Variants in ASB18 observed in about 807,000 individuals in gnomAD.
The protein encoded by ASB18 is ankyrin repeat and SOCS box containing 18.
Under a neutral mutation model 33.4 loss-of-function variants are expected in ASB18, and 33 were observed. The observed-to-expected ratio is 0.99, with a 90% CI of 0.75 to 1.32. The LOEUF (loss-of-function observed/expected upper bound fraction) is 1.32, where lower values mean the gene tolerates loss of function less well. Ranked by LOEUF, ASB18 falls within the 40% of genes most tolerant of loss-of-function variation. ASB18 has a pLI of 0.00. For synonymous variants in ASB18, 295 were observed against 307.6 expected, an observed-to-expected ratio of 0.96 and a Z score of 0.43; for missense variants, 694 against 655.5, an observed-to-expected ratio of 1.06 and a Z score of -0.64.
chr2:236,229,024 T>C lies in ASB18; in HGVS notation c.596+8665A>G, dbSNP rs2060553204. On this transcript the variant is annotated intron_variant, in intron 3 of 5. Coordinates refer to ENST00000409749, the MANE Select transcript of ASB18 (RefSeq NM_212556.4). This position sits in a 1 kb window ranked among gnomAD's most constrained non-coding sequence, Gnocchi z 5.2. The stretch of plus-strand genomic sequence containing the variant: ...TTGGGAGGCTGAGGCAGGAGAATCA[T>C]TTGAAACTAGGAGTTTGAGACCATC... 6.6e-6 allele frequency among the ~76,000 whole-genome samples: 1 copy of C among 151,996 alleles called. No homozygotes were observed. Among genetic ancestry groups the C allele is most frequent in the African/African-American group, 2.4e-5 (1 of 41,394 alleles).
chr2:236,202,687 G>A (rs2060409876), intron 4 of ASB18, among the ~76,000 whole-genome samples: 1 of 150,264 alleles, frequency 6.7e-6, no homozygotes, highest in Non-Finnish European at 1.5e-5. Flanking sequence ...GCTGAAGCAG[G>A]AGGATCACTT....
rs1440041007 is a variant in ASB18, at chr2:236,211,879, A to G, written c.1101+2483T>C. ...CTCCTGGCCAGGTGTAGGGGTACCC[A>G]CTGGAGGTGTGGGGGAATCCCAGTG... On this transcript the variant is annotated intron_variant, in intron 4 of 5. Transcript: ENST00000409749. This position sits in a 1 kb window ranked among gnomAD's most constrained non-coding sequence, Gnocchi z 5.0. Among the ~76,000 whole-genome samples, 1 of 152,106 alleles carries G rather than the reference A, an allele frequency of 6.6e-6. No homozygotes were observed. The highest frequency in any genetic ancestry group is 1.5e-5 in the Non-Finnish European group (1 of 68,006).
At position 236,231,699 on chromosome 2, in the gene ASB18, A is replaced by C. The variant is rs2060566569; in HGVS notation, c.596+5990T>G. On this transcript the variant is annotated intron_variant, in intron 3 of 5. Transcript: ENST00000409749. The surrounding 1 kb of genome is among the most constrained non-coding windows in gnomAD (Gnocchi z 5.5). Reference sequence around the variant, plus strand: ...GCAATCCTCCAACCTTGGCCTCCCAAAGTGCTGGGATTACTGGTGTGATCC... The same window carrying C: ...GCAATCCTCCAACCTTGGCCTCCCACAGTGCTGGGATTACTGGTGTGATCC... Among the ~76,000 whole-genome samples, 2 of 152,228 alleles carry C rather than the reference A, an allele frequency of 1.3e-5. No individual in the cohort carries two copies. The highest frequency in any genetic ancestry group is 4.8e-5 in the African/African-American group (2 of 41,474).
At chr2:236,254,775 G>C (rs1371025916) in intron 1 of ASB18, among the ~76,000 whole-genome samples, 2 of 152,106 alleles carry the variant, frequency 1.3e-5, no homozygotes, top group African/African-American at 4.8e-5. Context: ...TTCAAGGGAA[G>C]TGGGTGATCG....
In ASB18 at chr2:236,246,346, C is replaced by CAAAAAAAAAAAAAA. The variant is rs60064230; in HGVS notation, c.206-4958_206-4945dup. 2.4e-4 allele frequency among the ~76,000 whole-genome samples: 8 copies of CAAAAAAAAAAAAAA among 32,718 alleles called. 1 individual carries two copies. Among genetic ancestry groups the CAAAAAAAAAAAAAA allele is most frequent in the African/African-American group, 7.2e-4 (8 of 11,104 alleles). The allele number at this position is 32,718 out of a possible 152,430, so 21.5% of individuals were successfully genotyped here. On this transcript the variant is annotated intron_variant, in intron 1 of 5. Coordinates refer to ENST00000409749, the MANE Select transcript of ASB18 (RefSeq NM_212556.4). ...TGGGTGACAGAGCAAGACTCCATCT[C>CAAAAAAAAAAAAAA]AAAAAAAAAAAAAAAAAAAAAAAAA...
chr2:236,250,879 C>T lies in ASB18; in HGVS notation c.206-9477G>A, dbSNP rs917776627. 6.6e-6 allele frequency: 1 copy of T among 152,206 alleles called. No homozygotes were observed. The highest frequency in any genetic ancestry group is 6.5e-5 in the Admixed American group (1 of 15,286). The allele number at this position is 152,206 out of a possible 1,614,324, so 9.4% of individuals were successfully genotyped here. The stretch of plus-strand genomic sequence containing the variant: ...CAAAAATGTTAAAGTATCTCAACCT[C>T]CTCTCTGAATAACAATGTTAGCACA... On this transcript the variant is annotated intron_variant, in intron 1 of 5. Coordinates refer to ENST00000409749, the MANE Select transcript of ASB18 (RefSeq NM_212556.4). The surrounding 1 kb of genome is among the most constrained non-coding windows in gnomAD (Gnocchi z 4.1).
intron 4 of ASB18, among the ~76,000 whole-genome samples, chr2:236,199,763 A>G (rs1447010323): frequency 6.6e-6 from 1 of 151,084 alleles, no homozygotes; most frequent in Non-Finnish European, 1.5e-5. Flanking sequence ...ATGTTAACTT[A>G]GTAAAACTAT....
rs556085919 is a variant in ASB18, at chr2:236,203,802, C to T, written c.1102-7417G>A. On this transcript the variant is annotated intron_variant, in intron 4 of 5. Transcript: ENST00000409749. This position sits in a 1 kb window ranked among gnomAD's most constrained non-coding sequence, Gnocchi z 6.0. ...GAATTGCTTGAGCCTGGAAGGTCGA[C>T]GCTGCAGTGAGCTATGATTGCACTG... 9.9e-5 allele frequency among the ~76,000 whole-genome samples: 15 copies of T among 152,220 alleles called. No homozygotes were observed. The highest frequency in any genetic ancestry group is 2.1e-4 in the South Asian group (1 of 4,818).
rs1208220490 is a variant in ASB18, at chr2:236,237,117, C to T, written c.596+572G>A. Among the ~76,000 whole-genome samples the T allele has an allele frequency of 1.3e-5, 2 of 152,120 alleles. No homozygotes were observed. Among genetic ancestry groups the T allele is most frequent in the East Asian group, 1.9e-4 (1 of 5,144 alleles). ...AGGCCGGCACAGCTCCGCTTCCGAG[C>T]GGGCCTGGAAGCCCCGCCCGAGGAG... On this transcript the variant is annotated intron_variant, in intron 3 of 5. Coordinates refer to ENST00000409749, the MANE Select transcript of ASB18 (RefSeq NM_212556.4). This position sits in a 1 kb window ranked among gnomAD's most constrained non-coding sequence, Gnocchi z 6.2.
At chr2:236,246,419 T>G (rs558310520) in intron 1 of ASB18, among the ~76,000 whole-genome samples, 4 of 147,786 alleles carry the variant, frequency 2.7e-5, no homozygotes, top group African/African-American at 9.8e-5. Context: ...TCTTTAAAAC[T>G]TTGTTTCACA....
At position 236,206,190 on chromosome 2, in the gene ASB18, GTT is replaced by G. The variant is rs58498672; in HGVS notation, c.1101+8170_1101+8171del. Among the ~76,000 whole-genome samples, 755 of 137,992 alleles carry G rather than the reference GTT, an allele frequency of 5.5e-3. 11 individuals are homozygous for G. Among genetic ancestry groups the G allele is most frequent in the African/African-American group, 0.019 (710 of 38,360 alleles). The allele number at this position is 137,992 out of a possible 152,430, so 90.5% of individuals were successfully genotyped here. A position where few individuals can be genotyped will look rare whatever the true frequency, so the allele number is the denominator to read the frequency against. On this transcript the variant is annotated intron_variant, in intron 4 of 5. Transcript: ENST00000409749. ...ATCACTTTCTCTTTTAGTTTCTTGG[GTT>G]TTTTTTTTTTTTGCACTTAAGAATA...
In ASB18 at chr2:236,214,308, C is replaced by A; in HGVS notation, c.1101+54G>T. On this transcript the variant is annotated intron_variant, in intron 4 of 5. Coordinates refer to ENST00000409749, the MANE Select transcript of ASB18 (RefSeq NM_212556.4). This position sits in a 1 kb window ranked among gnomAD's most constrained non-coding sequence, Gnocchi z 6.5. ...CATGCAACCCAGCTCCCAGGCCGGT[C>A]ACTAAGTGGCAAAACTCCAGGGCAC... 6.5e-7 allele frequency: 1 copy of A among 1,529,070 alleles called. No homozygotes were observed. The highest frequency in any genetic ancestry group is 1.2e-5 in the South Asian group (1 of 82,754). 94.7% of individuals were successfully genotyped at this position (1,529,070 alleles called of 1,614,324 possible). A position where few individuals can be genotyped will look rare whatever the true frequency, so the allele number is the denominator to read the frequency against.
At position 236,214,601 on chromosome 2, in the gene ASB18, C is replaced by T. The variant is rs1452359445; in HGVS notation, c.862G>A (p.Ala288Thr). The change falls in exon 4 of 6, where the codon GCG (alanine) becomes ACG (threonine). Residue 288 changes from alanine (A) to threonine (T), a missense_variant. Transcript: ENST00000409749. The surrounding 1 kb of genome is among the most constrained non-coding windows in gnomAD (Gnocchi z 6.5). ...GGGCTGCGCTCGTCCTCGTCGCGCGCGTCCGCCTCCGCCCCGCGCCGCAGC... is the reference window on the plus strand; with the variant it reads ...GGGCTGCGCTCGTCCTCGTCGCGCGTGTCCGCCTCCGCCCCGCGCCGCAGC... ...LLLRRGAEAD[A>T]RDEDERSPLH... The T allele has an allele frequency of 3.2e-6, 4 of 1,250,322 alleles. No homozygotes were observed. Among genetic ancestry groups the T allele is most frequent in the Non-Finnish European group, 2.0e-6 (2 of 1,000,134 alleles). 77.5% of individuals were successfully genotyped at this position (1,250,322 alleles called of 1,614,324 possible). A position where few individuals can be genotyped will look rare whatever the true frequency, so the allele number is the denominator to read the frequency against.
At position 236,262,025 on chromosome 2, in the gene ASB18, G is replaced by A. The variant is rs2060721194; in HGVS notation, c.205+2116C>T. 6.6e-6 allele frequency among the ~76,000 whole-genome samples: 1 copy of A among 152,078 alleles called. No homozygotes were observed. ...ATAATTCAAGATGAGATTTGGGTGG[G>A]GACACAGCCAAACCATATCAGTATG... On this transcript the variant is annotated intron_variant, in intron 1 of 5. Transcript: ENST00000409749. The surrounding 1 kb of genome is among the most constrained non-coding windows in gnomAD (Gnocchi z 5.2).
chr2:236,210,267 T>C (rs910422450), intron 4 of ASB18: 3 of 152,266 alleles, frequency 2.0e-5, no homozygotes, highest in African/African-American at 7.2e-5. Flanking sequence ...GCATAGCCGA[T>C]GCCTACATGA....
At position 236,194,375 on chromosome 2, in the gene ASB18, T is replaced by G. The variant is rs1322485703; in HGVS notation, c.*497A>C. Among the ~76,000 whole-genome samples the G allele has an allele frequency of 6.6e-6, 1 of 152,206 alleles. No individual in the cohort carries two copies. The highest frequency in any genetic ancestry group is 1.9e-4 in the East Asian group (1 of 5,194). On this transcript the variant is annotated 3_prime_UTR_variant, in exon 6 of 6. Coordinates refer to ENST00000409749, the MANE Select transcript of ASB18 (RefSeq NM_212556.4). The surrounding 1 kb of genome is among the most constrained non-coding windows in gnomAD (Gnocchi z 4.5). ...ATCTCTTTTAAAGGTATGTGTAGCT[T>G]GCCTTTATTTCAATCTTTACTATTA...
intron 1 of ASB18, among the ~76,000 whole-genome samples, chr2:236,258,328 T>C (rs1459588757): frequency 6.6e-6 from 1 of 152,170 alleles, no homozygotes; most frequent in Non-Finnish European, 1.5e-5. Flanking sequence ...TTAGAGATGA[T>C]CCAGACCAAT....
chr2:236,259,463 C>A lies in ASB18; in HGVS notation c.205+4678G>T, dbSNP rs56292307. On this transcript the variant is annotated intron_variant, in intron 1 of 5. Transcript: ENST00000409749. This position sits in a 1 kb window ranked among gnomAD's most constrained non-coding sequence, Gnocchi z 4.4. ...AAAAGCAGCCTAGCAAGGCCATGCA[C>A]TTCCGTAATGGATGGAGACTAAGGG... 6.4e-6 allele frequency: 3 copies of A among 466,478 alleles called. No homozygotes were observed. In the East Asian group the frequency reaches 2.1e-4, roughly 33 times the overall value. The allele number at this position is 466,478 out of a possible 1,614,324, so 28.9% of individuals were successfully genotyped here.
chr2:236,253,630 T>G lies in ASB18; in HGVS notation c.205+10511A>C, dbSNP rs1266675736. Among the ~76,000 whole-genome samples, 1 of 151,994 alleles carries G rather than the reference T, an allele frequency of 6.6e-6. No homozygotes were observed. Among genetic ancestry groups the G allele is most frequent in the African/African-American group, 2.4e-5 (1 of 41,404 alleles). On this transcript the variant is annotated intron_variant, in intron 1 of 5. Coordinates refer to ENST00000409749, the MANE Select transcript of ASB18 (RefSeq NM_212556.4). This position sits in a 1 kb window ranked among gnomAD's most constrained non-coding sequence, Gnocchi z 5.4. ...CTCTAACTCCTGGCCTCAAGTGATC[T>G]TCCCACCTCAGCCTCCCAAAGTGCT...
Sources: gnomAD v4.1 joint callset for allele counts (sites outside exome capture counted in the v4.1 genomes callset) on GRCh38, gnomAD v4.1.1 for gene constraint, Gnocchi (gnomAD v3.1) non-coding constraint, MANE v1.5 for transcripts, NCBI Gene and HGNC (gene_info 2026-07-23, HGNC 2026-07-21) for gene names.